The following PIP5K1C variants were observed in gnomAD, a reference collection of about 807,000 sequenced individuals.
PIP5K1C encodes the protein phosphatidylinositol-4-phosphate 5-kinase type 1 gamma.
PIP5K1C carries 45 observed loss-of-function variants against 80.1 expected under a neutral mutation model. That is an observed-to-expected ratio of 0.56 (90% CI 0.44 to 0.72). The LOEUF (loss-of-function observed/expected upper bound fraction) is 0.72, where lower values mean the gene tolerates loss of function less well. PIP5K1C is among the 30% of genes least tolerant of loss of function. The pLI is 0.00. For missense variants in PIP5K1C, 753 were observed against 954.6 expected (o/e 0.79, Z 2.78); for synonymous variants, 498 against 420.1 (o/e 1.19, Z -2.27).
intron 1 of PIP5K1C, among the ~76,000 whole-genome samples, chr19:3,684,181 C>G (rs971788158): frequency 1.3e-5 from 2 of 152,146 alleles, no homozygotes; most frequent in African/African-American, 4.8e-5. Context: ...AAGAGCCTCC[C>G]GCTCACAGCG....
intron 16 of PIP5K1C, 147 bp from the exon 17 acceptor site, chr19:3,633,667 C>G: frequency 2.0e-6 from 1 of 504,742 alleles, no homozygotes; most frequent in South Asian, 7.2e-5. Context: ...CCCAGCTGCC[C>G]TCTCTGACCC....
chr19:3,688,322 GGA>G lies in PIP5K1C; in HGVS notation c.94+11973_94+11974del, dbSNP rs1037743509. Among the ~76,000 whole-genome samples, 1 of 152,238 alleles carries G rather than the reference GGA, an allele frequency of 6.6e-6. No individual in the cohort carries two copies. The highest frequency in any genetic ancestry group is 2.4e-5 in the African/African-American group (1 of 41,470). On this transcript the variant is annotated intron_variant, in intron 1 of 17. Coordinates refer to ENST00000335312, the MANE Select transcript of PIP5K1C (RefSeq NM_012398.3). This position sits in a 1 kb window ranked among gnomAD's most constrained non-coding sequence, Gnocchi z 5.3. ...CAGAGCCTGAGGTTAGGCCGTGGTG[GGA>G]AACAGAGCGGGGTGCCGCAGGGGAG...
chr19:3,673,490 C>G (rs1179005580), intron 1 of PIP5K1C, among the ~76,000 whole-genome samples: 1 of 152,200 alleles, frequency 6.6e-6, no homozygotes, highest in Admixed American at 6.5e-5. Context: ...AAAGGGGCGG[C>G]AGTGGGACCC....
Position 3,638,891 on chromosome 19 carries a change from A to G in PIP5K1C, c.1913T>C (p.Ile638Thr), listed in dbSNP as rs1281468822. Residue 638 changes from isoleucine (I) to threonine (T), a missense_variant, in exon 16 of 18, where the codon ATC (isoleucine) becomes ACC (threonine). By Grantham distance (89) the Ile-to-Thr change is moderately conservative. Coordinates refer to ENST00000335312, the MANE Select transcript of PIP5K1C (RefSeq NM_012398.3). ...SDEEDAPATD[I>T]YFPTDERSWV... ...GGAGCCCGGGGCACTTACAAAGTAG[A>G]TGTCGGTGGCGGGCGCGTCCTCCTC... The G allele has an allele frequency of 2.5e-6, 4 of 1,613,060 alleles. No homozygotes were observed. Among genetic ancestry groups the G allele is most frequent in the Non-Finnish European group, 3.4e-6 (4 of 1,179,918 alleles).
intron 11 of PIP5K1C, among the ~76,000 whole-genome samples, 158 bp from the exon 12 acceptor site, chr19:3,644,409 CG>C (rs1568317319): frequency 6.6e-6 from 1 of 152,116 alleles, no homozygotes; most frequent in East Asian, 1.9e-4. Context: ...GGTGGAAAAC[CG>C]GGGTCTGCCT....
chr19:3,653,538 A>G lies in PIP5K1C; in HGVS notation c.673T>C (p.Cys225Arg). The G allele has an allele frequency of 6.2e-7, 1 of 1,613,634 alleles. No homozygotes were observed. Among genetic ancestry groups the G allele is most frequent in the Non-Finnish European group, 8.5e-7 (1 of 1,179,888 alleles). The change falls in exon 7 of 18, where the codon TGC becomes CGC. Residue 225 changes from cysteine to arginine, a missense_variant. Physicochemically the swap from Cys to Arg is radical, Grantham distance 180 (BLOSUM62 -3). Coordinates refer to ENST00000335312, the MANE Select transcript of PIP5K1C (RefSeq NM_012398.3). The part of the protein sequence containing the change: ...TLLPKFYGLY[C>R]VQSGGKNIRV... ...ATGTTCTTGCCCCCCGACTGCACGC[A>G]GTACAGCCCATAGAACTTGGGCAGC...
chr19:3,700,310 G>C lies in PIP5K1C; in HGVS notation c.81C>G (p.Ser27Arg). ...VPSEAAWAAE[S>R]GAAAGLAQKK... ...CCGGGCCGTTACCTGCCGCCGCCCCGCTCTCTGCCGCCCACGCCGCCTCCG... is the reference window on the plus strand; with the variant it reads ...CCGGGCCGTTACCTGCCGCCGCCCCCCTCTCTGCCGCCCACGCCGCCTCCG... The change falls in exon 1 of 18, where the codon AGC becomes AGG. Residue 27 changes from serine to arginine, a missense_variant. By Grantham distance (110) the Ser-to-Arg change is moderately radical. Transcript: ENST00000335312. The C allele has an allele frequency of 7.8e-7, 1 of 1,285,920 alleles. No homozygotes were observed. The highest frequency in any genetic ancestry group is 1.0e-6 in the Non-Finnish European group (1 of 1,000,178). 79.7% of individuals were successfully genotyped at this position (1,285,920 alleles called of 1,614,324 possible). A position where few individuals can be genotyped will look rare whatever the true frequency, so the allele number is the denominator to read the frequency against.
chr19:3,642,986 G>T, intron 13 of PIP5K1C, 47 bp from the exon 14 acceptor site: 2 of 1,605,956 alleles, frequency 1.2e-6, no homozygotes, highest in African/African-American at 1.3e-5. Context: ...AGAGTGGCCC[G>T]CCTGCTCAGT....
intron 15 of PIP5K1C, 48 bp from the exon 16 acceptor site, chr19:3,639,064 G>A (rs528424690): frequency 1.3e-6 from 2 of 1,599,852 alleles, no homozygotes; most frequent in Non-Finnish European, 1.7e-6. Context: ...GCCCCACACG[G>A]AGACTCCCCG....
chr19:3,685,745 G>T (rs561869614), intron 1 of PIP5K1C, among the ~76,000 whole-genome samples: 14 of 151,236 alleles, frequency 9.3e-5, no homozygotes, highest in Non-Finnish European at 1.9e-4. Flanking sequence ...AAAAAAAAAA[G>T]TTTTATTGGA....
chr19:3,661,088 G>A lies in PIP5K1C; in HGVS notation c.351-5C>T. ...GGGGTGAGGTTGCTGCCTTCGCTGT[G>A]GAGGAAGGACGGGAGGAAACCTGTG... On this transcript the variant is annotated splice_region_variant and splice_polypyrimidine_tract_variant and intron_variant, in intron 4 of 17. Transcript: ENST00000335312. 1 of 1,608,890 alleles carries A rather than the reference G, an allele frequency of 6.2e-7. No individual in the cohort carries two copies. Among genetic ancestry groups the A allele is most frequent in the Non-Finnish European group, 8.5e-7 (1 of 1,175,498 alleles).
intron 16 of PIP5K1C, among the ~76,000 whole-genome samples, chr19:3,633,901 G>A (rs2033563543): frequency 6.6e-6 from 1 of 152,176 alleles, no homozygotes; most frequent in South Asian, 2.1e-4. Flanking sequence ...AATCCTGCCT[G>A]TGCCACGGGC....
intron 6 of PIP5K1C, among the ~76,000 whole-genome samples, chr19:3,655,021 T>C (rs2034572060): frequency 7.1e-6 from 1 of 141,488 alleles, no homozygotes; most frequent in Admixed American, 7.7e-5. Context: ...GGCAGCAGAA[T>C]CGCTTGAACC....
At chr19:3,687,825 C>T (rs1163412417) in intron 1 of PIP5K1C, among the ~76,000 whole-genome samples, 1 of 151,946 alleles carries the variant, frequency 6.6e-6, no homozygotes, top group African/African-American at 2.4e-5. Context: ...GATCGCTTTC[C>T]CCGCAGCAGG....
intron 2 of PIP5K1C, among the ~76,000 whole-genome samples, chr19:3,665,442 A>G (rs973109690): frequency 2.6e-5 from 4 of 152,082 alleles, no homozygotes; most frequent in Admixed American, 6.5e-5. Context: ...ACATCTCAGT[A>G]AAGTGGGTAT....
At chr19:3,660,423 C>T (rs945456590) in intron 5 of PIP5K1C, among the ~76,000 whole-genome samples, 2 of 152,006 alleles carry the variant, frequency 1.3e-5, no homozygotes, top group Non-Finnish European at 2.9e-5. Flanking sequence ...GCTCCAGGGC[C>T]ACTGTGGGGA....
intron 2 of PIP5K1C, among the ~76,000 whole-genome samples, chr19:3,666,403 G>A (rs1296513508): frequency 6.6e-6 from 1 of 152,266 alleles, no homozygotes; most frequent in African/African-American, 2.4e-5. Context: ...CCAACGTGCA[G>A]AGAAAGCTCT....
At chr19:3,673,373 C>CTGA (rs1425511464) in intron 1 of PIP5K1C, among the ~76,000 whole-genome samples, 5 of 152,218 alleles carry the variant, frequency 3.3e-5, no homozygotes, top group African/African-American at 1.2e-4. Context: ...ACGGCACCAC[C>CTGA]TGATACATGG....
intron 6 of PIP5K1C, among the ~76,000 whole-genome samples, chr19:3,654,371 C>T (rs1450140234): frequency 1.3e-5 from 2 of 152,188 alleles, no homozygotes; most frequent in East Asian, 1.9e-4. Flanking sequence ...GCCCAGGTGT[C>T]GGGGCTGAGA....
Sources: gnomAD v4.1 joint callset for allele counts (sites outside exome capture counted in the v4.1 genomes callset) on GRCh38, gnomAD v4.1.1 for gene constraint, Gnocchi (gnomAD v3.1) non-coding constraint, MANE v1.5 for transcripts, NCBI Gene and HGNC (gene_info 2026-07-23, HGNC 2026-07-21) for gene names.